Variants in DDX6 observed in about 807,000 individuals in gnomAD.
DDX6 encodes the protein DEAD-box helicase 6.
In DDX6, 7 loss-of-function variants were observed where a neutral mutation model predicts 60.6. That is an observed-to-expected ratio of 0.12 (90% confidence interval 0.07 to 0.22). DDX6 has a LOEUF of 0.22. DDX6 is among the 10% of genes least tolerant of loss of function. DDX6 has a pLI of 1.00. For synonymous variants in DDX6, 207 were observed against 201.0 expected (o/e 1.03, Z -0.25); for missense variants, 270 against 589.9 (o/e 0.46, Z 5.62).
chr11:118,771,087 C>T (rs566750425), intron 4 of DDX6, among the ~76,000 whole-genome samples: 1 of 152,156 alleles, frequency 6.6e-6, no homozygotes, highest in Non-Finnish European at 1.5e-5. Flanking sequence ...TACCCTGTCA[C>T]CTCAGGTTTT....
chr11:118,761,765 C>G (rs1348804127), intron 7 of DDX6, among the ~76,000 whole-genome samples: 3 of 150,626 alleles, frequency 2.0e-5, no homozygotes, highest in Admixed American at 1.3e-4. Context: ...AAGTATAAAA[C>G]GTATTTTATA....
In DDX6 at chr11:118,764,138, TAAAAGGATCAAACAAGATAATTTTTTAA is replaced by T. The variant is rs1305289972; in HGVS notation, c.647-860_647-833del. On this transcript the variant is annotated intron_variant, in intron 6 of 13. Coordinates refer to ENST00000534980, the MANE Select transcript of DDX6 (RefSeq NM_004397.6). ...TCTAGAGCAGTGAGCCGAGTATTGT[TAAAAGGATCAAACAAGATAATTTTTTAA>T]AAACCTATGCAATACAAAGAATGTA... Among the ~76,000 whole-genome samples the T allele has an allele frequency of 1.8e-4, 28 of 152,316 alleles. No individual in the cohort carries two copies. In the East Asian group the frequency reaches 5.4e-3, roughly 29 times the overall value.
At chr11:118,753,331 A>G (rs1289737649) in intron 13 of DDX6, among the ~76,000 whole-genome samples, 1 of 135,552 alleles carries the variant, frequency 7.4e-6, no homozygotes, top group Non-Finnish European at 1.5e-5. Flanking sequence ...AGCCAGCCCA[A>G]GTGGCTTTTT....
chr11:118,755,383 T>C lies in DDX6; in HGVS notation c.1276+19A>G, dbSNP rs781797384. 98 of 1,493,014 alleles carry C rather than the reference T, an allele frequency of 6.6e-5. 1 individual carries two copies. In the Middle Eastern group the frequency reaches 1.9e-3, roughly 29 times the overall value. The allele number at this position is 1,493,014 out of a possible 1,614,324, so 92.5% of individuals were successfully genotyped here. On this transcript the variant is annotated intron_variant, in intron 12 of 13. Transcript: ENST00000534980. Reference sequence around the variant, plus strand: ...CAAAAAAGAACTTCTACCAAGAATATCACCTCTTTTTTCCTCACCTGATCT... The same window carrying C: ...CAAAAAAGAACTTCTACCAAGAATACCACCTCTTTTTTCCTCACCTGATCT...
At chr11:118,789,075 T>C (rs1057043928) in intron 1 of DDX6, 2 of 26,906 alleles carry the variant, frequency 7.4e-5, no homozygotes, top group Non-Finnish European at 1.1e-4. Flanking sequence ...CGTTACACTT[T>C]TTTTTTTTTT....
chr11:118,754,694 C>A lies in DDX6; in HGVS notation c.*7+11G>T. 6.3e-7 allele frequency: 1 copy of A among 1,587,162 alleles called. No homozygotes were observed. Among genetic ancestry groups the A allele is most frequent in the South Asian group, 1.2e-5 (1 of 85,800 alleles). ...TAAAGGTTCCTCTTAGCTGTTCTGTCAGGGACGTACATGCTTGTTAAGGTT... is the reference window on the plus strand; with the variant it reads ...TAAAGGTTCCTCTTAGCTGTTCTGTAAGGGACGTACATGCTTGTTAAGGTT... On this transcript the variant is annotated intron_variant, in intron 13 of 13. Transcript: ENST00000534980.
At chr11:118,768,644 G>A (rs11217020) in intron 4 of DDX6, among the ~76,000 whole-genome samples, 24,293 of 152,042 alleles carry the variant, frequency 0.16, 2,335 homozygotes, top group South Asian at 0.29. Context: ...AGAAAATGGA[G>A]GAACTCAGGC....
intron 4 of DDX6, among the ~76,000 whole-genome samples, chr11:118,778,614 A>T (rs1175826292): frequency 6.6e-6 from 1 of 152,112 alleles, no homozygotes; most frequent in Non-Finnish European, 1.5e-5. Context: ...TTGTATTTGT[A>T]TGGTCTTAAA....
intron 4 of DDX6, among the ~76,000 whole-genome samples, chr11:118,775,243 G>C (rs527410366): frequency 6.6e-6 from 1 of 152,270 alleles, no homozygotes; most frequent in East Asian, 1.9e-4. Context: ...TTGAACCCGG[G>C]AGGCAGAGGT....
chr11:118,781,206 T>A (rs782761676), intron 2 of DDX6, 22 bp from the exon 3 acceptor site: 4 of 1,511,922 alleles, frequency 2.6e-6, no homozygotes, highest in Non-Finnish European at 3.6e-6. Context: ...ACAGTAAACT[T>A]GAAGTATCAA....
At chr11:118,765,601 C>G (rs1365168831) in intron 5 of DDX6, among the ~76,000 whole-genome samples, 1 of 150,406 alleles carries the variant, frequency 6.6e-6, no homozygotes, top group African/African-American at 2.5e-5. Context: ...ATGGTGAAAC[C>G]CCATCTGTAC....
intron 4 of DDX6, among the ~76,000 whole-genome samples, chr11:118,771,080 CCT>C (rs1591908286): frequency 6.6e-6 from 1 of 152,072 alleles, no homozygotes; most frequent in African/African-American, 2.4e-5. Context: ...CTCCCATTAC[CCT>C]GTCACCTCAG....
At chr11:118,784,408 C>G (rs1862006042) in intron 2 of DDX6, among the ~76,000 whole-genome samples, 1 of 151,348 alleles carries the variant, frequency 6.6e-6, no homozygotes, top group Admixed American at 6.6e-5. Flanking sequence ...GTTCAGTAAC[C>G]CAGTGTCAAC....
chr11:118,777,271 T>C (rs1193299350), intron 4 of DDX6, among the ~76,000 whole-genome samples: 1 of 152,174 alleles, frequency 6.6e-6, no homozygotes, highest in Admixed American at 6.5e-5. Context: ...TACTCAGTGA[T>C]GTCACAGGGT....
At chr11:118,769,254 C>A (rs868976472) in intron 4 of DDX6, among the ~76,000 whole-genome samples, 1 of 152,110 alleles carries the variant, frequency 6.6e-6, no homozygotes, top group African/African-American at 2.4e-5. Context: ...CAACAAAACA[C>A]GAATAGGCTG....
chr11:118,765,386 A>C, intron 5 of DDX6, 31 bp from the exon 6 acceptor site: 1 of 1,611,504 alleles, frequency 6.2e-7, no homozygotes, highest in Non-Finnish European at 8.5e-7. Flanking sequence ...ATATAAGAAA[A>C]TATGGGGTGA....
rs782353147 is a variant in DDX6 at position 118,757,246 on chromosome 11, C to T, written c.1035G>A (p.Gln345=). The change falls in exon 10 of 14, where the codon CAG becomes CAA. Residue 345 remains glutamine (Q), a synonymous_variant. Coordinates refer to ENST00000534980, the MANE Select transcript of DDX6 (RefSeq NM_004397.6). ...NQSIIFCNSS[Q]RVELLAKKIS... ...TCTTCTTGGCTAGCAATTCAACTCG[C>T]TGAGAGGAGTTACAGAAAATGATCG... The T allele has an allele frequency of 7.6e-6, 12 of 1,583,824 alleles. No individual in the cohort carries two copies. Among genetic ancestry groups the T allele is most frequent in the Middle Eastern group, 1.7e-4 (1 of 6,026 alleles).
At chr11:118,755,018 A>T (rs1565559769) in intron 12 of DDX6, 131 bp from the exon 13 acceptor site, 9 of 832,984 alleles carry the variant, frequency 1.1e-5, no homozygotes, top group Non-Finnish European at 1.6e-5. Context: ...ATGCAAAACA[A>T]CTTCTTAATG....
intron 4 of DDX6, among the ~76,000 whole-genome samples, chr11:118,775,561 A>G (rs1861671344): frequency 6.6e-6 from 1 of 152,174 alleles, no homozygotes; most frequent in Admixed American, 6.5e-5. Context: ...AAAAGGCAAT[A>G]CAAGTGGTGA....
Sources: gnomAD v4.1 joint callset for allele counts (sites outside exome capture counted in the v4.1 genomes callset) on GRCh38, gnomAD v4.1.1 for gene constraint, MANE v1.5 for transcripts, NCBI Gene and HGNC (gene_info 2026-07-23, HGNC 2026-07-21) for gene names.